Variants in SUGT1 observed in about 807,000 individuals in gnomAD.
SUGT1 encodes protein SGT1 homolog.
SUGT1 carries 15 observed loss-of-function variants against 56.1 expected under a neutral mutation model. The ratio of observed to expected loss-of-function variants is 0.27; its 90% CI spans 0.18 to 0.41. The LOEUF is 0.41. Among genes scored for constraint, SUGT1 ranks in the 10% least tolerant of loss-of-function variants. The probability of loss-of-function intolerance (pLI) is 1.00; values close to 1 mark genes in which losing one functional copy is unlikely to be tolerated. For synonymous variants in SUGT1, 123 were observed against 128.6 expected, an observed-to-expected ratio of 0.96 and a Z score of 0.30; for missense variants, 347 against 382.2, an observed-to-expected ratio of 0.91 and a Z score of 0.77.
rs144105255 is a variant in SUGT1 at position 52,687,803 on chromosome 13, C to A, written c.970C>A (p.Pro324Thr). The change falls in exon 13 of 13, where the codon CCT (proline) becomes ACT (threonine). Residue 324 changes from proline (P) to threonine (T), a missense_variant. By Grantham distance (38) the Pro-to-Thr change is conservative. Transcript: ENST00000310528. The stretch of plus-strand genomic sequence containing the variant: ...AGGTAAAAGGAAAGTTGAAATCAAT[C>A]CTCCTGATGATATGGAATGGAAAAA... ...DVGKRKVEINPPDDMEWKKY is the reference protein window; with the variant it reads ...DVGKRKVEINTPDDMEWKKY 3.4e-5 allele frequency: 54 copies of A among 1,601,672 alleles called. No homozygotes were observed. In the African/African-American group the frequency reaches 5.0e-4, roughly 15 times the overall value.
rs1198386657 is a variant in SUGT1, at chr13:52,693,945, G to A, written c.*6110G>A. The A allele has an allele frequency of 6.6e-6, 1 of 152,050 alleles. No individual in the cohort carries two copies. Among genetic ancestry groups the A allele is most frequent in the African/African-American group, 2.4e-5 (1 of 41,396 alleles). 9.4% of individuals were successfully genotyped at this position (152,050 alleles called of 1,614,324 possible). A position where few individuals can be genotyped will look rare whatever the true frequency, so the allele number is the denominator to read the frequency against. ...TGCTGTATGTACATTTTTTATACAT[G>A]TATACTTATGATAAAGTTTATAAAT... On this transcript the variant is annotated 3_prime_UTR_variant, in exon 13 of 13. Transcript: ENST00000310528.
In SUGT1 at chr13:52,658,853, G is replaced by T. The variant is rs1374121444; in HGVS notation, c.258-326G>T. Among the ~76,000 whole-genome samples the T allele has an allele frequency of 2.0e-5, 3 of 148,986 alleles. No homozygotes were observed. The East Asian group carries it at 6.0e-4, about 30-fold the overall frequency. ...TTAATGCTATGAAAGCGCTATATCTGTATACTTTATATCCCATCTTGTTTC... is the reference window on the plus strand; with the variant it reads ...TTAATGCTATGAAAGCGCTATATCTTTATACTTTATATCCCATCTTGTTTC... On this transcript the variant is annotated intron_variant, in intron 4 of 12. Coordinates refer to ENST00000310528, the MANE Select transcript of SUGT1 (RefSeq NM_006704.5).
chr13:52,671,855 T>C (rs752682446), intron 10 of SUGT1, among the ~76,000 whole-genome samples: 1 of 152,198 alleles, frequency 6.6e-6, no homozygotes, highest in Non-Finnish European at 1.5e-5. Flanking sequence ...CTGATTGTTT[T>C]TGTGTTATTC....
Position 52,685,118 on chromosome 13 carries a change from A to G in SUGT1, c.901-2616A>G, listed in dbSNP as rs567771768. Among the ~76,000 whole-genome samples the G allele has an allele frequency of 5.3e-5, 8 of 150,412 alleles. No individual in the cohort carries two copies. In the South Asian group the frequency reaches 1.7e-3, roughly 32 times the overall value. ...GTCTTGCTCTATTGTTCCAGCTGGAATACAGAGGTGCGATCATGAATCATT... is the reference window on the plus strand; with the variant it reads ...GTCTTGCTCTATTGTTCCAGCTGGAGTACAGAGGTGCGATCATGAATCATT... On this transcript the variant is annotated intron_variant, in intron 12 of 12. Transcript: ENST00000310528.
chr13:52,687,407 A>G (rs1001485205), intron 12 of SUGT1: 5 of 160,378 alleles, frequency 3.1e-5, no homozygotes, highest in Admixed American at 6.4e-5. Flanking sequence ...AATATTTTCA[A>G]TTGAAGGTAG....
At chr13:52,669,146 A>G (rs1962833079) in intron 10 of SUGT1, among the ~76,000 whole-genome samples, 2 of 152,074 alleles carry the variant, frequency 1.3e-5, no homozygotes, top group South Asian at 4.1e-4. Flanking sequence ...TCTTCCTTAT[A>G]TAGTAGTTTA....
chr13:52,663,144 TA>T (rs1396888730), intron 7 of SUGT1, 32 bp downstream of exon 7: 2 of 1,600,416 alleles, frequency 1.2e-6, no homozygotes, highest in East Asian at 4.5e-5. Context: ...TTCATGTTTT[TA>T]TTATTTTAAA....
At chr13:52,687,649 G>A (rs1432254838) in intron 12 of SUGT1, 85 bp from the exon 13 acceptor site, 6 of 985,326 alleles carry the variant, frequency 6.1e-6, no homozygotes, top group Non-Finnish European at 7.2e-6. Context: ...AATATTTGGG[G>A]CTCTATGCTT....
intron 12 of SUGT1, among the ~76,000 whole-genome samples, chr13:52,683,020 T>C (rs1013545425): frequency 6.6e-6 from 1 of 152,218 alleles, no homozygotes; most frequent in Non-Finnish European, 1.5e-5. Context: ...TGGACAATCA[T>C]CTTCAAATAT....
intron 12 of SUGT1, 130 bp downstream of exon 12, chr13:52,680,285 A>G: frequency 1.3e-6 from 1 of 787,420 alleles, no homozygotes; most frequent in East Asian, 3.1e-5. Flanking sequence ...GTCTGTCTGA[A>G]CGTTTCTTTT....
rs1963671068 is a variant in SUGT1, at chr13:52,688,295, A to G, written c.*460A>G. 6.6e-6 allele frequency: 1 copy of G among 152,622 alleles called. No homozygotes were observed. The highest frequency in any genetic ancestry group is 2.4e-5 in the African/African-American group (1 of 41,448). The allele number at this position is 152,622 out of a possible 1,614,324, so 9.5% of individuals were successfully genotyped here. On this transcript the variant is annotated 3_prime_UTR_variant, in exon 13 of 13. Coordinates refer to ENST00000310528, the MANE Select transcript of SUGT1 (RefSeq NM_006704.5). ...TTGTAAATACAATTTTTCTATGAAG[A>G]TGTTTGGTTTATTTACCTTTTTCTT...
intron 3 of SUGT1, 77 bp downstream of exon 3, chr13:52,657,699 G>T (rs1962235024): frequency 7.3e-7 from 1 of 1,365,180 alleles, no homozygotes; most frequent in African/African-American, 1.5e-5. Flanking sequence ...ATTAAAAGTT[G>T]TCTTTGAGAA....
chr13:52,667,005 T>G, intron 10 of SUGT1, 86 bp downstream of exon 10: 1 of 893,722 alleles, frequency 1.1e-6, no homozygotes, highest in Non-Finnish European at 1.7e-6. Context: ...GTTTATAAGC[T>G]TGTAGATTCT....
Position 52,687,876 on chromosome 13 carries a change from A to G in SUGT1, c.*41A>G. 7.4e-7 allele frequency: 1 copy of G among 1,345,500 alleles called. No individual in the cohort carries two copies. Among genetic ancestry groups the G allele is most frequent in the East Asian group, 2.5e-5 (1 of 40,582 alleles). The allele number at this position is 1,345,500 out of a possible 1,614,324, so 83.3% of individuals were successfully genotyped here. A position where few individuals can be genotyped will look rare whatever the true frequency, so the allele number is the denominator to read the frequency against. On this transcript the variant is annotated 3_prime_UTR_variant, in exon 13 of 13. Transcript: ENST00000310528. ...CTCATCGTATTGTGTATATTCACCTAATGCCCATTGTGTATTGATATTGCA... is the reference window on the plus strand; with the variant it reads ...CTCATCGTATTGTGTATATTCACCTGATGCCCATTGTGTATTGATATTGCA...
At chr13:52,686,934 G>A (rs1203635491) in intron 12 of SUGT1, among the ~76,000 whole-genome samples, 1 of 151,890 alleles carries the variant, frequency 6.6e-6, no homozygotes, top group African/African-American at 2.4e-5. Context: ...AGCCGGGCAT[G>A]GTGGTGCATG....
chr13:52,685,330 A>G (rs1486010323), intron 12 of SUGT1, among the ~76,000 whole-genome samples: 1 of 149,388 alleles, frequency 6.7e-6, no homozygotes, highest in Non-Finnish European at 1.5e-5. Flanking sequence ...CTTGGACTTA[A>G]GCAGTCCTCC....
rs973367748 is a variant in SUGT1 at position 52,693,360 on chromosome 13, T to C, written c.*5525T>C. 1 of 152,222 alleles carries C rather than the reference T, an allele frequency of 6.6e-6. No individual in the cohort carries two copies. The highest frequency in any genetic ancestry group is 1.5e-5 in the Non-Finnish European group (1 of 68,034). 9.4% of individuals were successfully genotyped at this position (152,222 alleles called of 1,614,324 possible). A position where few individuals can be genotyped will look rare whatever the true frequency, so the allele number is the denominator to read the frequency against. On this transcript the variant is annotated 3_prime_UTR_variant, in exon 13 of 13. Transcript: ENST00000310528. ...AGGAAAATGGTCCTTAATACCTATA[T>C]AGGGTTTTTTAAAAAACTGTACCCT...
At chr13:52,679,637 CAT>C (rs1403525077) in intron 11 of SUGT1, among the ~76,000 whole-genome samples, 2 of 152,128 alleles carry the variant, frequency 1.3e-5, no homozygotes, top group African/African-American at 4.8e-5. Context: ...TTTCTGAAAA[CAT>C]AAAAGTTCTG....
intron 10 of SUGT1, 111 bp from the exon 11 acceptor site, chr13:52,676,119 C>T (rs1963132339): frequency 1.4e-6 from 1 of 690,524 alleles, no homozygotes; most frequent in Non-Finnish European, 2.2e-6. Flanking sequence ...TTTAAGGAAA[C>T]TGTCAAAGAT....
Sources: allele counts gnomAD v4.1 joint callset (sites outside exome capture counted in the v4.1 genomes callset), GRCh38; gene constraint gnomAD v4.1.1; transcripts MANE v1.5; gene names NCBI Gene and HGNC (gene_info 2026-07-23, HGNC 2026-07-21).